ANKRD33B: variants seen among roughly 807,000 people sequenced by gnomAD.
ANKRD33B encodes the protein ankyrin repeat domain 33B.
A neutral mutation model predicts 21.5 loss-of-function variants in ANKRD33B; 6 were observed. The observed-to-expected ratio is 0.28, with a 90% CI of 0.15 to 0.55. The LOEUF (loss-of-function observed/expected upper bound fraction) is 0.55. Among genes scored for constraint, ANKRD33B ranks in the 20% least tolerant of loss-of-function variants. The probability of loss-of-function intolerance (pLI) is 0.94; values close to 1 mark genes in which losing one functional copy is unlikely to be tolerated. For missense variants in ANKRD33B, 698 were observed against 747.2 expected (o/e 0.93, Z 0.77); for synonymous variants, 347 against 342.4 (o/e 1.01, Z -0.15).
At chr5:10,608,671 A>AC (rs951424210) in intron 1 of ANKRD33B, among the ~76,000 whole-genome samples, 7 of 152,052 alleles carry the variant, frequency 4.6e-5, no homozygotes, top group Non-Finnish European at 8.8e-5. Context: ...TGAAAAAAAA[A>AC]AAAACTTGAA....
intron 1 of ANKRD33B, 93 bp downstream of exon 1, chr5:10,564,926 G>A: frequency 7.1e-7 from 1 of 1,407,868 alleles, no homozygotes; most frequent in Non-Finnish European, 9.3e-7. Context: ...TCCTGGCTCC[G>A]GACCGGTCCC....
At chr5:10,570,694 C>A (rs1433725356) in intron 1 of ANKRD33B, among the ~76,000 whole-genome samples, 1 of 152,066 alleles carries the variant, frequency 6.6e-6, no homozygotes, top group Non-Finnish European at 1.5e-5. Context: ...GTAGCTGGGA[C>A]TATAGGTGCA....
At position 10,624,619 on chromosome 5, in the gene ANKRD33B, A is replaced by G. The variant is rs1233749723; in HGVS notation, c.496+6157A>G. On this transcript the variant is annotated intron_variant, in intron 2 of 3. Transcript: ENST00000296657. ...GCATACGGAGGCAGAGGGGAGAGGGACTTTACACCATTTAAACAAACACAG... is the reference window on the plus strand; with the variant it reads ...GCATACGGAGGCAGAGGGGAGAGGGGCTTTACACCATTTAAACAAACACAG... 1.5e-5 allele frequency: 6 copies of G among 399,244 alleles called. No individual in the cohort carries two copies. The East Asian group carries it at 3.5e-4, about 24-fold the overall frequency. The allele number at this position is 399,244 out of a possible 1,614,324, so 24.7% of individuals were successfully genotyped here.
chr5:10,629,135 G>A (rs1343756616), intron 2 of ANKRD33B, among the ~76,000 whole-genome samples: 1 of 152,168 alleles, frequency 6.6e-6, no homozygotes, highest in East Asian at 1.9e-4. Context: ...AGTGGGGATG[G>A]TCAGAGGCCC....
chr5:10,624,134 T>C (rs984453890), intron 2 of ANKRD33B, among the ~76,000 whole-genome samples: 9 of 148,808 alleles, frequency 6.0e-5, no homozygotes, highest in East Asian at 3.9e-4. Context: ...TCTTTTCTTT[T>C]TTTTTTTTTT....
At chr5:10,645,092 G>A (rs58119035) in intron 3 of ANKRD33B, among the ~76,000 whole-genome samples, 63,604 of 151,868 alleles carry the variant, frequency 0.42, 13,554 homozygotes, top group Middle Eastern at 0.55. Flanking sequence ...GCTATGTGGT[G>A]GGGGTGGCTT....
chr5:10,620,247 G>A (rs1736390171), intron 2 of ANKRD33B, among the ~76,000 whole-genome samples: 1 of 152,196 alleles, frequency 6.6e-6, no homozygotes, highest in East Asian at 1.9e-4. Context: ...GCGGGCCATG[G>A]AGGAGAGCTG....
At chr5:10,580,186 C>T (rs1057051095) in intron 1 of ANKRD33B, among the ~76,000 whole-genome samples, 8 of 152,222 alleles carry the variant, frequency 5.3e-5, no homozygotes, top group African/African-American at 1.9e-4. Flanking sequence ...GTTCTACCTG[C>T]AAGGGTCTCA....
intron 1 of ANKRD33B, among the ~76,000 whole-genome samples, chr5:10,583,729 A>G (rs1434951027): frequency 1.3e-5 from 2 of 152,188 alleles, no homozygotes; most frequent in South Asian, 2.1e-4. Flanking sequence ...GAATTTATGT[A>G]CTTTGGTAGG....
chr5:10,637,671 G>C (rs181257644), intron 2 of ANKRD33B, among the ~76,000 whole-genome samples: 1 of 152,042 alleles, frequency 6.6e-6, no homozygotes, highest in South Asian at 2.1e-4. Flanking sequence ...GCTGGGAGTT[G>C]AGGCTTCCTG....
chr5:10,649,505 C>T lies in ANKRD33B; in HGVS notation c.877C>T (p.Pro293Ser). ...LTDCVLSVLT[P>S]RSVRGPEDGG... ...AGACTGCGTGCTGTCCGTGCTGACG[C>T]CGCGCTCCGTGCGGGGCCCGGAGGA... The change falls in exon 4 of 4, where the codon CCG becomes TCG. Residue 293 changes from proline (P) to serine (S), a missense_variant. Physicochemically the swap from Pro to Ser is moderately conservative, Grantham distance 74 (BLOSUM62 -1). This residue lies in a region of ANKRD33B where 543 missense variants were observed against 566.5 expected (regional missense o/e 0.96). Coordinates refer to ENST00000296657, the MANE Select transcript of ANKRD33B (RefSeq NM_001164440.2). 2.0e-6 allele frequency: 3 copies of T among 1,534,710 alleles called. No homozygotes were observed. The highest frequency in any genetic ancestry group is 2.6e-6 in the Non-Finnish European group (3 of 1,146,146).
intron 2 of ANKRD33B, among the ~76,000 whole-genome samples, chr5:10,628,816 G>A (rs928994761): frequency 4.6e-5 from 7 of 152,188 alleles, no homozygotes; most frequent in South Asian, 2.1e-4. Context: ...GCATGGGAAC[G>A]TGGACGATGA....
intron 1 of ANKRD33B, among the ~76,000 whole-genome samples, chr5:10,586,171 G>T (rs1735554725): frequency 2.0e-5 from 3 of 151,200 alleles, no homozygotes. Flanking sequence ...TGAGGAATTT[G>T]TTCCAGGACT....
chr5:10,565,272 G>T (rs1560957115), intron 1 of ANKRD33B, among the ~76,000 whole-genome samples: 1 of 152,194 alleles, frequency 6.6e-6, no homozygotes, highest in South Asian at 2.1e-4. Context: ...CCTGCCCAGC[G>T]CCCCATTTGG....
rs1359594999 is a variant in ANKRD33B, at chr5:10,564,754, A to G, written c.287A>G (p.Asn96Ser). Residue 96 changes from asparagine to serine, a missense_variant, in exon 1 of 4, where the codon AAC becomes AGC. Asn to Ser is a conservative substitution (Grantham distance 46). Around this residue, in one of 3 missense-constraint regions of ANKRD33B, gnomAD observed 148 missense variants for 154.9 expected, o/e 0.96. Coordinates refer to ENST00000296657, the MANE Select transcript of ANKRD33B (RefSeq NM_001164440.2). ...ACCCTCCTGCGCGCCGCCTGCGCCA[A>G]CAACGTGGGGCTGCTGCGGACGCTG... The part of the protein sequence containing the change: ...TATLLRAACA[N>S]NVGLLRTLVR... The G allele has an allele frequency of 6.5e-7, 1 of 1,530,526 alleles. No homozygotes were observed. 94.8% of individuals were successfully genotyped at this position (1,530,526 alleles called of 1,614,324 possible).
At chr5:10,649,192 G>A in intron 3 of ANKRD33B, 74 bp from the exon 4 acceptor site, 1 of 1,458,608 alleles carries the variant, frequency 6.9e-7, no homozygotes, top group Non-Finnish European at 9.0e-7. Context: ...TTTTGCCTTT[G>A]CCCCAGGCTC....
chr5:10,585,855 G>T (rs1249919776), intron 1 of ANKRD33B, among the ~76,000 whole-genome samples: 2 of 152,150 alleles, frequency 1.3e-5, no homozygotes, highest in Non-Finnish European at 2.9e-5. Context: ...TCACTGCAGG[G>T]CCCCTCCTCT....
chr5:10,622,363 A>G (rs920163070), intron 2 of ANKRD33B, among the ~76,000 whole-genome samples: 4 of 152,204 alleles, frequency 2.6e-5, no homozygotes, highest in Admixed American at 6.5e-5. Context: ...AGAAATTAGA[A>G]TACCACCACT....
At chr5:10,604,771 A>T (rs1736006838) in intron 1 of ANKRD33B, among the ~76,000 whole-genome samples, 1 of 152,232 alleles carries the variant, frequency 6.6e-6, no homozygotes, top group African/African-American at 2.4e-5. Flanking sequence ...ACATAGAATT[A>T]TATGTTAATA....
Sources: gnomAD v4.1 joint callset for allele counts (sites outside exome capture counted in the v4.1 genomes callset) on GRCh38, gnomAD v4.1.1 for gene constraint, gnomAD v4.1.1 regional missense constraint, MANE v1.5 for transcripts, NCBI Gene and HGNC (gene_info 2026-07-23, HGNC 2026-07-21) for gene names.